GOLGA4: variants seen among roughly 807,000 people sequenced by gnomAD.
GOLGA4 encodes golgin A4.
In GOLGA4, 169 loss-of-function variants were observed where a neutral mutation model predicts 265.9. The ratio of observed to expected loss-of-function variants is 0.64; its 90% confidence interval spans 0.56 to 0.72. GOLGA4 has a LOEUF of 0.72. Ranked by LOEUF, GOLGA4 falls within the 30% of genes least tolerant of loss-of-function variation. The pLI, the probability that GOLGA4 is intolerant of heterozygous loss-of-function variation, is 0.00. For missense variants in GOLGA4, 2,482 were observed against 2,483.4 expected (o/e 1.00, Z 0.01); for synonymous variants, 923 against 855.8 (o/e 1.08, Z -1.37).
intron 23 of GOLGA4, among the ~76,000 whole-genome samples, chr3:37,365,639 A>G (rs932158253): frequency 1.3e-5 from 2 of 152,196 alleles, no homozygotes; most frequent in African/African-American, 4.8e-5. Context: ...GGGTTACTGT[A>G]TAAACTGGTA....
rs1328598586 is a variant in GOLGA4, at chr3:37,329,204, T to G, written c.6192+111T>G. 7 of 815,552 alleles carry G rather than the reference T, an allele frequency of 8.6e-6. No individual in the cohort carries two copies. In the African/African-American group the frequency reaches 1.0e-4, roughly 12 times the overall value. 50.5% of individuals were successfully genotyped at this position (815,552 alleles called of 1,614,324 possible). ...TGTTTTTTGAACGAAAAGGGTTTTT[T>G]TTTTTGACTCAATATTATTCAAATT... On this transcript the variant is annotated intron_variant, in intron 16 of 23. Coordinates refer to ENST00000361924, the MANE Select transcript of GOLGA4 (RefSeq NM_002078.5).
At chr3:37,344,958 T>C (rs2097051413) in intron 20 of GOLGA4, among the ~76,000 whole-genome samples, 1 of 152,198 alleles carries the variant, frequency 6.6e-6, no homozygotes, top group Non-Finnish European at 1.5e-5. Flanking sequence ...CTCATGCCAA[T>C]AGTCTGAACA....
At chr3:37,261,140 C>T (rs2096768805) in intron 2 of GOLGA4, among the ~76,000 whole-genome samples, 1 of 151,986 alleles carries the variant, frequency 6.6e-6, no homozygotes, top group Non-Finnish European at 1.5e-5. Context: ...CACCGCACTC[C>T]ACCCTTGGTG....
intron 16 of GOLGA4, among the ~76,000 whole-genome samples, chr3:37,332,132 C>G (rs1195733756): frequency 6.6e-6 from 1 of 152,154 alleles, no homozygotes; most frequent in Non-Finnish European, 1.5e-5. Flanking sequence ...TATTACTTCT[C>G]CTCCTAAATA....
intron 22 of GOLGA4, among the ~76,000 whole-genome samples, chr3:37,358,905 C>T (rs1029748861): frequency 2.6e-5 from 4 of 152,174 alleles, no homozygotes; most frequent in East Asian, 1.9e-4. Context: ...TATAACTTAG[C>T]GCAAACTGTT....
At chr3:37,243,671 C>T (rs766471639) in intron 1 of GOLGA4, 49 bp downstream of exon 1, 13 of 1,476,446 alleles carry the variant, frequency 8.8e-6, no homozygotes, top group Admixed American at 7.0e-5. Flanking sequence ...CCTCTTGAAC[C>T]GGCCCGCGGA....
Position 37,294,799 on chromosome 3 carries a change from C to G in GOLGA4, c.583-180C>G, listed in dbSNP as rs138478704. ...CTTCATATTCTTTAAGGAACAAAAT[C>G]ATTTGTTGATGCAAATGTTTTAAAT... On this transcript the variant is annotated intron_variant, in intron 5 of 23. Transcript: ENST00000361924. Among the ~76,000 whole-genome samples, 736 of 152,254 alleles carry G rather than the reference C, an allele frequency of 4.8e-3. 2 individuals carry two copies. The highest frequency in any genetic ancestry group is 0.017 in the African/African-American group (699 of 41,534).
At chr3:37,293,332 ATTG>A (rs1403570016) in intron 5 of GOLGA4, among the ~76,000 whole-genome samples, 2 of 151,992 alleles carry the variant, frequency 1.3e-5, no homozygotes, top group Non-Finnish European at 2.9e-5. Flanking sequence ...CTCATCAGCT[ATTG>A]TTAATGTATT....
rs750515877 is a variant in GOLGA4 at position 37,251,395 on chromosome 3, G to A, written c.73G>A (p.Ala25Thr). 2 of 1,602,628 alleles carry A rather than the reference G, an allele frequency of 1.2e-6. No individual in the cohort carries two copies. Among genetic ancestry groups the A allele is most frequent in the African/African-American group, 1.3e-5 (1 of 74,748 alleles). Residue 25 changes from alanine (A) to threonine (T), a missense_variant and splice_region_variant, in exon 2 of 24, where the codon GCG becomes ACG. Ala to Thr is a moderately conservative substitution (Grantham distance 58). Around this residue, in one of 3 missense-constraint regions of GOLGA4, gnomAD observed 1,536 missense variants for 1,483.7 expected, o/e 1.04. Coordinates refer to ENST00000361924, the MANE Select transcript of GOLGA4 (RefSeq NM_002078.5). ...TTTGTGCAATAATTTTTAAATCTAG[G>A]CGTCCTCCAATTCTTCAACACCAAC... ...QLQQALAPAQ[A>T]SSNSSTPTRM... is the part of the protein sequence containing the mutation.
Position 37,324,671 on chromosome 3 carries a change from CAG to C in GOLGA4, c.2787_2788del (p.Lys930IlefsTer13). 2 of 1,612,332 alleles carry C rather than the reference CAG, an allele frequency of 1.2e-6. No homozygotes were observed. The highest frequency in any genetic ancestry group is 1.7e-6 in the Non-Finnish European group (2 of 1,179,346). ...GAAGAAAGAAATTGAGATACTCACA[CAG>C]AAATTGTCAGCCAAGGAGGACAGTA... Reference protein sequence around the residue: ...GQKKEIEILTQKLSAKEDSIH... With the variant: ...GQKKEIEILTXKLSAKEDSIH... On this transcript the variant is annotated frameshift_variant, in exon 14 of 24. Transcript: ENST00000361924. LOFTEE classifies it high-confidence loss of function.
chr3:37,312,935 T>G (rs1290076331), intron 10 of GOLGA4, among the ~76,000 whole-genome samples: 2 of 152,296 alleles, frequency 1.3e-5, no homozygotes, highest in South Asian at 2.1e-4. Flanking sequence ...TTGGATAGAT[T>G]TGCTTTTCAT....
At chr3:37,296,066 A>G (rs757100203) in intron 6 of GOLGA4, 21 bp from the exon 7 acceptor site, 3 of 1,610,142 alleles carry the variant, frequency 1.9e-6, no homozygotes, top group Non-Finnish European at 2.5e-6. Context: ...ACTTTTTTCT[A>G]ATGAAGCACA....
intron 1 of GOLGA4, among the ~76,000 whole-genome samples, chr3:37,247,797 T>C (rs1387258065): frequency 2.0e-5 from 3 of 152,188 alleles, no homozygotes; most frequent in Admixed American, 6.5e-5. Context: ...GTTATAGGAC[T>C]GGGGCCTTCA....
At chr3:37,262,887 G>C (rs1211433856) in intron 2 of GOLGA4, among the ~76,000 whole-genome samples, 1 of 152,012 alleles carries the variant, frequency 6.6e-6, no homozygotes, top group Non-Finnish European at 1.5e-5. Flanking sequence ...AGTCCCATAA[G>C]ATTATAATGG....
chr3:37,294,382 ATTTTT>A, intron 5 of GOLGA4, among the ~76,000 whole-genome samples: 1 of 132,042 alleles, frequency 7.6e-6, no homozygotes. Context: ...ATCTTAAGTA[ATTTTT>A]TTTTTTTTTT....
intron 1 of GOLGA4, chr3:37,249,977 T>C (rs1005958283): frequency 1.3e-5 from 2 of 152,244 alleles, no homozygotes; most frequent in Non-Finnish European, 2.9e-5. Context: ...TGTCTGTTTT[T>C]TCACATCACT....
rs1196089421 is a variant in GOLGA4 at position 37,330,848 on chromosome 3, T to C, written c.6192+1755T>C. On this transcript the variant is annotated intron_variant, in intron 16 of 23. Transcript: ENST00000361924. ...TTCAAGACCAGCCTGGCCAACATGG[T>C]GAAACTCCATCTCTACTAAAAATAA... Among the ~76,000 whole-genome samples, 3 of 151,876 alleles carry C rather than the reference T, an allele frequency of 2.0e-5. No individual in the cohort carries two copies. The South Asian group carries it at 6.2e-4, about 32-fold the overall frequency.
chr3:37,276,025 CA>C (rs1023103665), intron 2 of GOLGA4: 2 of 1,612,800 alleles, frequency 1.2e-6, no homozygotes, highest in African/African-American at 2.7e-5. Context: ...CTTCCAGCGG[CA>C]ATGTAAGCAA....
intron 8 of GOLGA4, 39 bp from the exon 9 acceptor site, chr3:37,299,249 T>C (rs2096886677): frequency 1.6e-6 from 2 of 1,286,640 alleles, no homozygotes; most frequent in African/African-American, 2.9e-5. Flanking sequence ...GAGAAGAAGC[T>C]TTATTAGAGA....
Sources: gnomAD v4.1 joint callset for allele counts (sites outside exome capture counted in the v4.1 genomes callset) on GRCh38, gnomAD v4.1.1 for gene constraint, gnomAD v4.1.1 regional missense constraint, MANE v1.5 for transcripts, NCBI Gene and HGNC (gene_info 2026-07-23, HGNC 2026-07-21) for gene names.